Variants in RIPK1 observed in about 807,000 individuals in gnomAD.
RIPK1 encodes the protein receptor interacting serine/threonine kinase 1.
Under a neutral mutation model 62.4 loss-of-function variants are expected in RIPK1, and 27 were observed. The observed-to-expected ratio is 0.43, with a 90% confidence interval of 0.32 to 0.60. RIPK1 has a LOEUF of 0.60. RIPK1 is among the 20% of genes least tolerant of loss of function. RIPK1 has a pLI of 0.07. For synonymous variants in RIPK1, 287 were observed against 303.2 expected, an observed-to-expected ratio of 0.95 and a Z score of 0.55; for missense variants, 735 against 831.0, an observed-to-expected ratio of 0.88 and a Z score of 1.42.
At position 3,068,673 on chromosome 6, in the gene RIPK1, G is replaced by A. The variant is rs1442384343; in HGVS notation, c.-61+12G>A. The A allele has an allele frequency of 3.6e-5, 35 of 985,118 alleles. No homozygotes were observed. The highest frequency in any genetic ancestry group is 1.1e-4 in the East Asian group (1 of 8,790). The allele number at this position is 985,118 out of a possible 1,614,324, so 61.0% of individuals were successfully genotyped here. A position where few individuals can be genotyped will look rare whatever the true frequency, so the allele number is the denominator to read the frequency against. On this transcript the variant is annotated intron_variant, in intron 1 of 10. Coordinates refer to ENST00000259808, the MANE Select transcript of RIPK1 (RefSeq NM_001354930.2). ...CGGAGAAGGGCGCGGTGAGCGGACT[G>A]GCACCGCGCGGGGAACATTCCGGAG...
intron 2 of RIPK1, among the ~76,000 whole-genome samples, chr6:3,077,382 C>G (rs916496669): frequency 4.0e-5 from 6 of 151,676 alleles, no homozygotes; most frequent in African/African-American, 1.2e-4. Flanking sequence ...GTTCTGAGAG[C>G]CTTCCCTTTA....
At chr6:3,071,188 C>G (rs1050276932) in intron 1 of RIPK1, among the ~76,000 whole-genome samples, 1 of 152,154 alleles carries the variant, frequency 6.6e-6, no homozygotes. Flanking sequence ...AATCAGAATT[C>G]TGTTAGTGGG....
At chr6:3,085,020 A>T (rs543246983) in intron 5 of RIPK1, among the ~76,000 whole-genome samples, 1 of 152,278 alleles carries the variant, frequency 6.6e-6, no homozygotes, top group Admixed American at 6.5e-5. Flanking sequence ...TGCCCACATA[A>T]TCTTTTTGTT....
In RIPK1 at chr6:3,072,129, A is replaced by G. The variant is rs956429403; in HGVS notation, c.-61+3468A>G. ...TTTTGCTGTTCTATGTAATGCTACC[A>G]GGAACAGCTTTGCACATAATCTTTA... On this transcript the variant is annotated intron_variant, in intron 1 of 10. Transcript: ENST00000259808. The surrounding 1 kb of genome is among the most constrained non-coding windows in gnomAD (Gnocchi z 5.6). Among the ~76,000 whole-genome samples the G allele has an allele frequency of 2.6e-5, 4 of 152,224 alleles. No homozygotes were observed. The highest frequency in any genetic ancestry group is 7.2e-5 in the African/African-American group (3 of 41,454).
At chr6:3,083,377 A>G in intron 5 of RIPK1, 64 bp downstream of exon 5, 18 of 1,373,972 alleles carry the variant, frequency 1.3e-5, no homozygotes, top group South Asian at 5.1e-5. Flanking sequence ...GCCTGGAACT[A>G]ATAGGTGCCC....
chr6:3,067,806 G>C (rs1313437653), upstream of RIPK1, among the ~76,000 whole-genome samples: 2 of 151,466 alleles, frequency 1.3e-5, no homozygotes, highest in South Asian at 2.1e-4. Flanking sequence ...GCAGTGGCGC[G>C]ATCTCGGCTC....
chr6:3,067,695 T>C (rs535735333), upstream of RIPK1, among the ~76,000 whole-genome samples: 1 of 152,080 alleles, frequency 6.6e-6, no homozygotes, highest in South Asian at 2.1e-4. Context: ...ACGTGGCTAG[T>C]TCTCTTGACA....
At chr6:3,076,502 C>G (rs181919384) in intron 1 of RIPK1, among the ~76,000 whole-genome samples, 4 of 151,092 alleles carry the variant, frequency 2.6e-5, no homozygotes, top group African/African-American at 7.3e-5. Context: ...ATCCCCCGGC[C>G]CCCCCATCTC....
chr6:3,066,656 T>A (rs1285551886), upstream of RIPK1, among the ~76,000 whole-genome samples: 1 of 152,128 alleles, frequency 6.6e-6, no homozygotes, highest in Non-Finnish European at 1.5e-5. Flanking sequence ...TCCCCTACCA[T>A]CAACATCCTG....
intron 3 of RIPK1, among the ~76,000 whole-genome samples, chr6:3,080,513 C>G (rs1392709333): frequency 6.6e-6 from 1 of 151,968 alleles, no homozygotes; most frequent in East Asian, 1.9e-4. Flanking sequence ...ATTCTTTTTT[C>G]TCTTAATGTT....
At chr6:3,070,854 TTA>T (rs1315058233) in intron 1 of RIPK1, among the ~76,000 whole-genome samples, 1 of 152,250 alleles carries the variant, frequency 6.6e-6, no homozygotes, top group African/African-American at 2.4e-5. Flanking sequence ...CGAAGACAGA[TTA>T]TTTGCTATCT....
At chr6:3,099,205 G>A (rs191576272) in intron 7 of RIPK1, among the ~76,000 whole-genome samples, 1 of 152,324 alleles carries the variant, frequency 6.6e-6, no homozygotes, top group African/African-American at 2.4e-5. Flanking sequence ...ATTGTGTTTA[G>A]CAAAGGATTA....
rs145068560 is a variant in RIPK1, at chr6:3,077,782, C to T, written c.168C>T (p.His56=). The change falls in exon 3 of 11, where the codon CAC becomes CAT. Residue 56 remains histidine (H), a synonymous_variant. Coordinates refer to ENST00000259808, the MANE Select transcript of RIPK1 (RefSeq NM_001354930.2). ...ATAGCACCTTTCCTGCCCACAGGCA[C>T]AACGAGGCCCTCTTGGAGGAGGCGA... The part of the protein sequence containing the change: ...TVYKGPNCIE[H]NEALLEEAKM... 6.2e-5 allele frequency: 100 copies of T among 1,613,964 alleles called. No homozygotes were observed. Among genetic ancestry groups the T allele is most frequent in the Middle Eastern group, 4.9e-4 (3 of 6,078 alleles).
At chr6:3,082,668 A>G (rs1759455652) in intron 4 of RIPK1, among the ~76,000 whole-genome samples, 1 of 152,192 alleles carries the variant, frequency 6.6e-6, no homozygotes, top group Non-Finnish European at 1.5e-5. Flanking sequence ...AAGGTGTAGT[A>G]TTTAGCCACT....
At chr6:3,085,601 A>T (rs922308752) in intron 6 of RIPK1, among the ~76,000 whole-genome samples, 193 bp downstream of exon 6, 5 of 152,262 alleles carry the variant, frequency 3.3e-5, no homozygotes, top group South Asian at 2.1e-4. Flanking sequence ...ATGATGGCAC[A>T]TAAGGCCTTC....
chr6:3,102,959 C>T (rs940819440), intron 7 of RIPK1, among the ~76,000 whole-genome samples: 1 of 152,154 alleles, frequency 6.6e-6, no homozygotes, highest in African/African-American at 2.4e-5. Flanking sequence ...TTATATTCCC[C>T]ACCAGCAATG....
At chr6:3,083,555 C>T (rs1190866255) in intron 5 of RIPK1, among the ~76,000 whole-genome samples, 6 of 152,128 alleles carry the variant, frequency 3.9e-5, no homozygotes, top group Non-Finnish European at 7.3e-5. Flanking sequence ...TAGCCTTTCA[C>T]ACTACAAGGC....
rs371348115 is a variant in RIPK1, at chr6:3,076,850, C to T, written c.27C>T (p.Val9=). 7 of 1,613,008 alleles carry T rather than the reference C, an allele frequency of 4.3e-6. No homozygotes were observed. In the East Asian group the frequency reaches 1.3e-4, roughly 31 times the overall value. ...TGCAACCAGACATGTCCTTGAATGT[C>T]ATTAAGATGAAATCCAGTGACTTCC... is the stretch of plus-strand genomic sequence containing the variant. MQPDMSLN[V]IKMKSSDFLE... Residue 9 remains valine, a synonymous_variant, in exon 2 of 11, where the codon GTC becomes GTT. Transcript: ENST00000259808.
chr6:3,083,974 C>CTG (rs1759557586), intron 5 of RIPK1, among the ~76,000 whole-genome samples: 1 of 152,120 alleles, frequency 6.6e-6, no homozygotes, highest in African/African-American at 2.4e-5. Context: ...GAAGTGGCAT[C>CTG]GCCATCCTTT....
Sources: allele counts gnomAD v4.1 joint callset (sites outside exome capture counted in the v4.1 genomes callset), GRCh38; gene constraint gnomAD v4.1.1; non-coding constraint Gnocchi (gnomAD v3.1); transcripts MANE v1.5; gene names NCBI Gene and HGNC (gene_info 2026-07-23, HGNC 2026-07-21).